The following ASCC3 variants were observed in gnomAD, a reference collection of about 807,000 sequenced individuals.
ASCC3 encodes activating signal cointegrator 1 complex subunit 3, also known as ASC-1 complex subunit P200.
Under a neutral mutation model 256.3 loss-of-function variants are expected in ASCC3, and 158 were observed. The ratio of observed to expected loss-of-function variants is 0.62; its 90% CI spans 0.54 to 0.70. The LOEUF is 0.70. ASCC3 is among the 30% of genes least tolerant of loss of function. The pLI is 0.00. For synonymous variants in ASCC3, 948 were observed against 883.4 expected (o/e 1.07, Z -1.30); for missense variants, 2,259 against 2,626.0 (o/e 0.86, Z 3.05).
rs562668334 is a variant in ASCC3 at position 100,524,021 on chromosome 6, C to T, written c.5776-5879G>A. Among the ~76,000 whole-genome samples, 5 of 152,188 alleles carry T rather than the reference C, an allele frequency of 3.3e-5. No homozygotes were observed. In the South Asian group the frequency reaches 1.0e-3, roughly 32 times the overall value. On this transcript the variant is annotated intron_variant, in intron 37 of 41. Transcript: ENST00000369162. The stretch of plus-strand genomic sequence containing the variant: ...CTCATCTAATATTTAACAATACTAA[C>T]TATGAGGCAGGCATTAATATTACCC...
At chr6:100,866,083 C>T (rs71566353) in intron 2 of ASCC3, among the ~76,000 whole-genome samples, 33,927 of 151,892 alleles carry the variant, frequency 0.22, 4,465 homozygotes, top group Middle Eastern at 0.31. Flanking sequence ...AATTCTCCTG[C>T]CTCAGCCTCC....
At chr6:100,653,495 G>A (rs1562201037) in intron 17 of ASCC3, among the ~76,000 whole-genome samples, 2 of 151,686 alleles carry the variant, frequency 1.3e-5, no homozygotes, top group African/African-American at 2.4e-5. Flanking sequence ...AAAATTAGCT[G>A]GGTATGGTGG....
intron 14 of ASCC3, among the ~76,000 whole-genome samples, chr6:100,666,788 A>C (rs1776497395): frequency 6.6e-6 from 1 of 152,162 alleles, no homozygotes; most frequent in African/African-American, 2.4e-5. Flanking sequence ...TATTGTACTA[A>C]ATTATTTACA....
chr6:100,608,062 A>ATATATATACATATATATGTATATATATC (rs1562160674), intron 30 of ASCC3, among the ~76,000 whole-genome samples: 1 of 32,914 alleles, frequency 3.0e-5, no homozygotes, highest in Non-Finnish European at 7.0e-5. Flanking sequence ...ATATATACAC[A>ATATATATACATATATATGTATATATATC]TATATATACA....
intron 2 of ASCC3, among the ~76,000 whole-genome samples, chr6:100,865,626 T>C (rs971424506): frequency 1.4e-4 from 22 of 152,318 alleles, no homozygotes; most frequent in African/African-American, 5.3e-4. Flanking sequence ...TATCAATCTT[T>C]GAGTGAAACT....
At chr6:100,530,686 T>G in intron 37 of ASCC3, 2 of 916,766 alleles carry the variant, frequency 2.2e-6, no homozygotes, top group Admixed American at 3.4e-5. Context: ...ATAGAAAAAC[T>G]AAAGGCCCAG....
Position 100,606,777 on chromosome 6 carries a change from A to G in ASCC3, c.5007T>C (p.Asp1669=), listed in dbSNP as rs1772909698. The change falls in exon 32 of 42, where the codon GAT becomes GAC. Residue 1669 remains aspartate (D), a synonymous_variant. Coordinates refer to ENST00000369162, the MANE Select transcript of ASCC3 (RefSeq NM_006828.4). The part of the protein sequence containing the change: ...LVIIKGTEYY[D]GKTRRYVDFP... ...AATCCACATAACGTCTTGTTTTTCC[A>G]TCATAGTATTCTGTTCCCTTAATAA... The G allele has an allele frequency of 1.2e-6, 2 of 1,608,100 alleles. No individual in the cohort carries two copies. The highest frequency in any genetic ancestry group is 1.3e-5 in the African/African-American group (1 of 74,758).
chr6:100,546,456 T>C (rs531543761), intron 36 of ASCC3, among the ~76,000 whole-genome samples: 1 of 152,298 alleles, frequency 6.6e-6, no homozygotes, highest in African/African-American at 2.4e-5. Context: ...GAGCTAGCCC[T>C]ACATTATTTT....
chr6:100,586,121 C>A, intron 36 of ASCC3, among the ~76,000 whole-genome samples: 1 of 152,186 alleles, frequency 6.6e-6, no homozygotes, highest in Non-Finnish European at 1.5e-5. Flanking sequence ...AGCTGTCAGC[C>A]AGGGACATTT....
At chr6:100,724,704 G>C (rs370773966) in intron 11 of ASCC3, among the ~76,000 whole-genome samples, 1 of 151,812 alleles carries the variant, frequency 6.6e-6, no homozygotes, top group African/African-American at 2.4e-5. Flanking sequence ...GAAATTGAGA[G>C]AGTTCAAGCA....
chr6:100,814,132 G>C (rs1770624996), intron 4 of ASCC3, among the ~76,000 whole-genome samples: 1 of 152,162 alleles, frequency 6.6e-6, no homozygotes, highest in South Asian at 2.1e-4. Flanking sequence ...CTAGTTTATA[G>C]AGGGTTTTTA....
At chr6:100,798,608 G>A (rs1769750197) in intron 8 of ASCC3, 105 bp downstream of exon 8, 1 of 1,553,542 alleles carries the variant, frequency 6.4e-7, no homozygotes. Flanking sequence ...TGTCTGTACT[G>A]TATTTGCCAA....
At chr6:100,659,808 T>C (rs1776100330) in intron 16 of ASCC3, among the ~76,000 whole-genome samples, 1 of 151,580 alleles carries the variant, frequency 6.6e-6, no homozygotes, top group Non-Finnish European at 1.5e-5. Flanking sequence ...TTGACATGCA[T>C]TCATGCGTTT....
At chr6:100,527,094 C>T (rs1433115404) in intron 37 of ASCC3, among the ~76,000 whole-genome samples, 1 of 152,134 alleles carries the variant, frequency 6.6e-6, no homozygotes, top group Non-Finnish European at 1.5e-5. Context: ...AAGCATTGTA[C>T]TCAAGTCACC....
At chr6:100,591,619 T>C (rs985309285) in intron 34 of ASCC3, among the ~76,000 whole-genome samples, 2 of 152,046 alleles carry the variant, frequency 1.3e-5, no homozygotes, top group South Asian at 2.1e-4. Flanking sequence ...AATCAAACTA[T>C]TCTTTTTTTA....
At chr6:100,852,140 A>C (rs1368135853) in intron 3 of ASCC3, among the ~76,000 whole-genome samples, 1 of 152,216 alleles carries the variant, frequency 6.6e-6, no homozygotes, top group African/African-American at 2.4e-5. Flanking sequence ...CAGCCCACTC[A>C]GTGTTTTTTG....
chr6:100,640,183 G>A (rs1775050729), intron 24 of ASCC3, among the ~76,000 whole-genome samples: 1 of 152,042 alleles, frequency 6.6e-6, no homozygotes, highest in Non-Finnish European at 1.5e-5. Context: ...GTTAATGCTT[G>A]TAATGCTAAT....
At chr6:100,811,026 A>T (rs1231352397) in intron 4 of ASCC3, among the ~76,000 whole-genome samples, 2 of 152,096 alleles carry the variant, frequency 1.3e-5, no homozygotes, top group Non-Finnish European at 2.9e-5. Context: ...GGGTGGCAAG[A>T]GGAGGATTTT....
intron 36 of ASCC3, among the ~76,000 whole-genome samples, chr6:100,561,459 A>G (rs909081147): frequency 6.6e-6 from 1 of 151,302 alleles, no homozygotes; most frequent in South Asian, 2.1e-4. Context: ...CATGATTTAT[A>G]AAAAAAAACA....
Sources: gnomAD v4.1 joint callset for allele counts (sites outside exome capture counted in the v4.1 genomes callset) on GRCh38, gnomAD v4.1.1 for gene constraint, MANE v1.5 for transcripts, NCBI Gene and HGNC (gene_info 2026-07-23, HGNC 2026-07-21) for gene names.